Variants in POU2F2 observed in about 807,000 individuals in gnomAD.
POU2F2 encodes POU class 2 homeobox 2, also known as POU domain, class 2, transcription factor 2.
In POU2F2, 14 loss-of-function variants were observed where a neutral mutation model predicts 63.5. That is an observed-to-expected ratio of 0.22 (90% CI 0.15 to 0.34). The LOEUF is 0.34. POU2F2 is among the 10% of genes least tolerant of loss of function. POU2F2 has a pLI of 1.00. For synonymous variants in POU2F2, 306 were observed against 348.6 expected, an observed-to-expected ratio of 0.88 and a Z score of 1.36; for missense variants, 607 against 815.2, an observed-to-expected ratio of 0.74 and a Z score of 3.11.
At chr19:42,099,482 G>A in intron 7 of POU2F2, 45 bp downstream of exon 7, 1 of 1,512,992 alleles carries the variant, frequency 6.6e-7, no homozygotes, top group Non-Finnish European at 9.2e-7. Flanking sequence ...CTTTCAGCAG[G>A]CCTTGCTGCT....
chr19:42,166,612 G>C (rs1297422156), intron 1 of POU2F2, among the ~76,000 whole-genome samples: 1 of 152,138 alleles, frequency 6.6e-6, no homozygotes, highest in East Asian at 1.9e-4. Flanking sequence ...AGGTGAAGGA[G>C]GGGAAGGGCA....
chr19:42,188,819 AAG>A lies in POU2F2; in HGVS notation c.-70+7562_-70+7563del, dbSNP rs531343045. Among the ~76,000 whole-genome samples, 69 of 147,810 alleles carry A rather than the reference AAG, an allele frequency of 4.7e-4. No homozygotes were observed. In the East Asian group the frequency reaches 0.011, roughly 24 times the overall value. Reference sequence around the variant, plus strand: ...AGGGAAAGAAAGAGAAAGAAAGAAAAAGAGAGAGGAAGAAAAAAGAAAGAAAG... The same window carrying A: ...AGGGAAAGAAAGAGAAAGAAAGAAAAAGAGAGGAAGAAAAAAGAAAGAAAG... On this transcript the variant is annotated intron_variant, in intron 1 of 5. Coordinates refer to the POU2F2 transcript ENST00000532176.
rs1447318013 is a variant in POU2F2, at chr19:42,117,596, C to T, written c.187-164G>A. Among the ~76,000 whole-genome samples the T allele has an allele frequency of 1.3e-5, 2 of 152,086 alleles. No individual in the cohort carries two copies. The highest frequency in any genetic ancestry group is 2.4e-5 in the African/African-American group (1 of 41,404). ...CAGTTTCCTCATCAATCAGATAGGG[C>T]TAACACAACACCTGCACCCAAACTC... On this transcript the variant is annotated intron_variant, in intron 4 of 14. Coordinates refer to ENST00000692977, the MANE Select transcript of POU2F2 (RefSeq NM_001394376.1). This position sits in a 1 kb window ranked among gnomAD's most constrained non-coding sequence, Gnocchi z 4.4.
At chr19:42,115,938 G>A (rs568981579) in intron 5 of POU2F2, among the ~76,000 whole-genome samples, 14 of 152,306 alleles carry the variant, frequency 9.2e-5, no homozygotes, top group Admixed American at 2.6e-4. Context: ...GCCATGTGAC[G>A]ACAGAGGAGG....
intron 5 of POU2F2, among the ~76,000 whole-genome samples, chr19:42,115,058 G>A (rs1260053300): frequency 6.6e-6 from 1 of 152,092 alleles, no homozygotes; most frequent in African/African-American, 2.4e-5. Context: ...GCTGAGGTGG[G>A]AGGATTACTT....
chr19:42,161,615 T>G, intron 1 of POU2F2, among the ~76,000 whole-genome samples: 1 of 142,814 alleles, frequency 7.0e-6, no homozygotes, highest in Non-Finnish European at 1.5e-5. Flanking sequence ...TGGGGAGAAA[T>G]AGACAGAGAG....
intron 1 of POU2F2, among the ~76,000 whole-genome samples, chr19:42,191,834 T>C (rs2035078127): frequency 6.6e-6 from 1 of 152,194 alleles, no homozygotes; most frequent in South Asian, 2.1e-4. Context: ...GGATTTTTTA[T>C]TTGGAACTCA....
At chr19:42,105,990 ATCTT>A (rs966754784) in intron 5 of POU2F2, among the ~76,000 whole-genome samples, 36 of 135,634 alleles carry the variant, frequency 2.7e-4, no homozygotes, top group African/African-American at 9.0e-4. Context: ...GATATATAGG[ATCTT>A]TCTTTTTTCT....
chr19:42,179,775 C>T (rs942212755), upstream of POU2F2, among the ~76,000 whole-genome samples: 19 of 152,122 alleles, frequency 1.2e-4, no homozygotes, highest in Non-Finnish European at 2.2e-4. Flanking sequence ...ACACCTACCC[C>T]GTGGGCGTAC....
At chr19:42,119,763 CAA>C (rs1041165827) in intron 4 of POU2F2, among the ~76,000 whole-genome samples, 2 of 143,322 alleles carry the variant, frequency 1.4e-5, no homozygotes, top group East Asian at 4.0e-4. Context: ...GACTCCGTCT[CAA>C]AAAAAAAAAG....
chr19:42,125,954 A>G (rs1266740356), intron 1 of POU2F2, among the ~76,000 whole-genome samples: 1 of 152,222 alleles, frequency 6.6e-6, no homozygotes, highest in Non-Finnish European at 1.5e-5. Flanking sequence ...CTCGGACCCC[A>G]CTGCCAGCCC....
chr19:42,109,447 C>G (rs2030708144), intron 5 of POU2F2, among the ~76,000 whole-genome samples: 2 of 152,028 alleles, frequency 1.3e-5, no homozygotes, highest in African/African-American at 2.4e-5. Context: ...GGAGTGGGGT[C>G]TGGGAACTAT....
chr19:42,151,934 T>A (rs2034359673), intron 2 of POU2F2, among the ~76,000 whole-genome samples: 1 of 152,214 alleles, frequency 6.6e-6, no homozygotes, highest in Non-Finnish European at 1.5e-5. Context: ...GGGAAGAAAC[T>A]TAACGTCCGT....
rs953900947 is a variant in POU2F2, at chr19:42,087,723, A to G, written c.*3534T>C. ...ATTCAGAGGGCTCCCCACTGCTCCA[A>G]CCCACTCATCTCTCCTCTCTTTCTA... On this transcript the variant is annotated 3_prime_UTR_variant, in exon 15 of 15. Transcript: ENST00000692977. 2 of 151,030 alleles carry G rather than the reference A, an allele frequency of 1.3e-5. No homozygotes were observed. Among genetic ancestry groups the G allele is most frequent in the African/African-American group, 4.9e-5 (2 of 40,968 alleles). 9.4% of individuals were successfully genotyped at this position (151,030 alleles called of 1,614,324 possible).
chr19:42,130,052 G>A (rs934876040), intron 1 of POU2F2, among the ~76,000 whole-genome samples: 32 of 152,086 alleles, frequency 2.1e-4, no homozygotes, highest in Middle Eastern at 3.2e-3. Context: ...CCAAACGTGC[G>A]TACACACATG....
rs1453233759 is a variant in POU2F2 at position 42,152,932 on chromosome 19, G to T, written c.-9+7400C>A. 2.6e-5 allele frequency among the ~76,000 whole-genome samples: 4 copies of T among 152,166 alleles called. No individual in the cohort carries two copies. Among genetic ancestry groups the T allele is most frequent in the Admixed American group, 6.5e-5 (1 of 15,288 alleles). ...AGAGACACTGTCCTGAGCCCATGAG[G>T]CAGGGGAAGGTCTGGGGTGGGTGCT... is the stretch of plus-strand genomic sequence containing the variant. On this transcript the variant is annotated intron_variant, in intron 2 of 6. Transcript: ENST00000524801. The surrounding 1 kb of genome is among the most constrained non-coding windows in gnomAD (Gnocchi z 4.1).
intron 5 of POU2F2, among the ~76,000 whole-genome samples, chr19:42,106,032 TTTCTTTCTTTCTTTCTTTC>T (rs1040424493): frequency 2.0e-5 from 3 of 148,546 alleles, no homozygotes; most frequent in Non-Finnish European, 3.0e-5. Flanking sequence ...TCTTTCTTTC[TTTCTTTCTTTCTTTCTTTC>T]TTCTTTCTTT....
At chr19:42,154,066 C>T (rs1401009210) in intron 2 of POU2F2, among the ~76,000 whole-genome samples, 1 of 151,762 alleles carries the variant, frequency 6.6e-6, no homozygotes, top group African/African-American at 2.4e-5. Flanking sequence ...AAGCGACCTC[C>T]GTCCCTCCCA....
At chr19:42,149,675 AAG>A (rs1367966253) in intron 2 of POU2F2, among the ~76,000 whole-genome samples, 8 of 152,094 alleles carry the variant, frequency 5.3e-5, no homozygotes, top group Admixed American at 3.3e-4. Context: ...GAACAGCAGA[AAG>A]AGAGACAAAG....
Sources: allele counts gnomAD v4.1 joint callset (sites outside exome capture counted in the v4.1 genomes callset), GRCh38; gene constraint gnomAD v4.1.1; non-coding constraint Gnocchi (gnomAD v3.1); transcripts MANE v1.5; gene names NCBI Gene and HGNC (gene_info 2026-07-23, HGNC 2026-07-21).